The following MAP2K6 variants were observed in gnomAD, a reference collection of about 807,000 sequenced individuals.
MAP2K6 encodes the protein mitogen-activated protein kinase kinase 6, also known as dual specificity mitogen-activated protein kinase kinase 6.
Under a neutral mutation model 53.7 loss-of-function variants are expected in MAP2K6, and 16 were observed. That is an observed-to-expected ratio of 0.30 (90% CI 0.20 to 0.45). The LOEUF (loss-of-function observed/expected upper bound fraction) is 0.45, where lower values mean the gene tolerates loss of function less well. Ranked by LOEUF, MAP2K6 falls within the 20% of genes least tolerant of loss-of-function variation. MAP2K6 has a pLI of 1.00. For synonymous variants in MAP2K6, 132 were observed against 143.1 expected (o/e 0.92, Z 0.55); for missense variants, 204 against 411.9 (o/e 0.50, Z 4.37).
At chr17:69,534,960 T>C (rs1444099074) in intron 10 of MAP2K6, among the ~76,000 whole-genome samples, 1 of 152,062 alleles carries the variant, frequency 6.6e-6, no homozygotes, top group African/African-American at 2.4e-5. Context: ...GTTTCTTTTC[T>C]TTTCTTTCTT....
chr17:69,414,745 C>CT lies in MAP2K6; in HGVS notation c.-239dup. The CT allele has an allele frequency of 2.0e-6, 1 of 498,982 alleles. No homozygotes were observed. The highest frequency in any genetic ancestry group is 3.4e-5 in the East Asian group (1 of 29,398). 30.9% of individuals were successfully genotyped at this position (498,982 alleles called of 1,614,324 possible). A position where few individuals can be genotyped will look rare whatever the true frequency, so the allele number is the denominator to read the frequency against. ...CTGCCAGCCCTGGCCCATCATGTAGCTGCAGCACAGCCTTCCCTAACGTTG... is the reference window on the plus strand; with the variant it reads ...CTGCCAGCCCTGGCCCATCATGTAGCTTGCAGCACAGCCTTCCCTAACGTTG... On this transcript the variant is annotated 5_prime_UTR_variant, in exon 1 of 12. Transcript: ENST00000590474.
At chr17:69,525,692 G>A (rs905728617) in intron 9 of MAP2K6, among the ~76,000 whole-genome samples, 6 of 152,140 alleles carry the variant, frequency 3.9e-5, no homozygotes, top group Admixed American at 6.5e-5. Flanking sequence ...TCACTACCAT[G>A]AGAACCATAG....
intron 1 of MAP2K6, among the ~76,000 whole-genome samples, chr17:69,437,967 C>A (rs1906700590): frequency 6.6e-6 from 1 of 152,258 alleles, no homozygotes; most frequent in Non-Finnish European, 1.5e-5. Context: ...CCACATTCTT[C>A]TCTTTATATT....
At chr17:69,429,026 G>A (rs1182198642) in intron 1 of MAP2K6, among the ~76,000 whole-genome samples, 1 of 151,658 alleles carries the variant, frequency 6.6e-6, no homozygotes, top group Non-Finnish European at 1.5e-5. Context: ...AACACTCCCT[G>A]TGGTTGTCAC....
Position 69,543,719 on chromosome 17 carries a change from G to A in MAP2K6, c.*1966G>A, listed in dbSNP as rs749830555. 2 of 152,184 alleles carry A rather than the reference G, an allele frequency of 1.3e-5. No homozygotes were observed. Among genetic ancestry groups the A allele is most frequent in the Admixed American group, 6.5e-5 (1 of 15,282 alleles). The allele number at this position is 152,184 out of a possible 1,614,324, so 9.4% of individuals were successfully genotyped here. On this transcript the variant is annotated 3_prime_UTR_variant, in exon 12 of 12. Coordinates refer to ENST00000590474, the MANE Select transcript of MAP2K6 (RefSeq NM_002758.4). ...TCCATTTTAGCTTTTGGTGAACGAT[G>A]TAGAGCAAATTGTCTCTCTGGTCTA...
chr17:69,419,133 G>A (rs546091397), intron 1 of MAP2K6, among the ~76,000 whole-genome samples: 5 of 152,138 alleles, frequency 3.3e-5, no homozygotes, highest in African/African-American at 4.8e-5. Flanking sequence ...TTTAACAACC[G>A]TGAATTTTAA....
chr17:69,519,107 C>T (rs1202598080), intron 4 of MAP2K6, among the ~76,000 whole-genome samples: 1 of 152,216 alleles, frequency 6.6e-6, no homozygotes, highest in Non-Finnish European at 1.5e-5. Context: ...CAATTTGTTT[C>T]TTACCAGGAC....
chr17:69,500,624 C>T (rs1273341036), intron 1 of MAP2K6, among the ~76,000 whole-genome samples: 2 of 151,730 alleles, frequency 1.3e-5, no homozygotes, highest in African/African-American at 2.4e-5. Context: ...GGCGTGATGG[C>T]GGGCACCTGT....
chr17:69,519,953 T>C (rs1250219017), intron 5 of MAP2K6: 2 of 285,018 alleles, frequency 7.0e-6, no homozygotes, highest in African/African-American at 4.5e-5. Flanking sequence ...ACCTAACTCC[T>C]AGACAGTGGT....
At chr17:69,432,328 C>G (rs538800298) in intron 1 of MAP2K6, among the ~76,000 whole-genome samples, 1 of 152,308 alleles carries the variant, frequency 6.6e-6, no homozygotes, top group East Asian at 1.9e-4. Flanking sequence ...ATATAAATCA[C>G]TCTATTATGA....
intron 1 of MAP2K6, among the ~76,000 whole-genome samples, chr17:69,455,803 A>G (rs1266262006): frequency 6.6e-6 from 1 of 150,624 alleles, no homozygotes; most frequent in Admixed American, 6.6e-5. Context: ...TTATAGCATG[A>G]CCAACCCTGC....
chr17:69,529,343 G>T (rs1221611698), intron 10 of MAP2K6, among the ~76,000 whole-genome samples: 1 of 151,624 alleles, frequency 6.6e-6, no homozygotes, highest in Non-Finnish European at 1.5e-5. Flanking sequence ...TGTTTAGAAG[G>T]TTTATTTTCT....
At chr17:69,492,824 A>G (rs745841232) in intron 1 of MAP2K6, among the ~76,000 whole-genome samples, 1 of 152,218 alleles carries the variant, frequency 6.6e-6, no homozygotes, top group Non-Finnish European at 1.5e-5. Context: ...GCAAAAAATT[A>G]TCATGATAAC....
chr17:69,521,824 A>AAAC (rs1910497077), intron 7 of MAP2K6: 1 of 149,412 alleles, frequency 6.7e-6, no homozygotes, highest in South Asian at 2.1e-4. Context: ...AAAAAAAAAA[A>AAAC]AAAAAAAAAC....
intron 1 of MAP2K6, among the ~76,000 whole-genome samples, chr17:69,505,032 A>G (rs752044729): frequency 1.3e-5 from 2 of 152,032 alleles, no homozygotes; most frequent in Non-Finnish European, 2.9e-5. Context: ...GATTTAGAAA[A>G]TAGTGGGTTA....
At chr17:69,522,996 G>C (rs1910560260) in intron 7 of MAP2K6, among the ~76,000 whole-genome samples, 1 of 152,136 alleles carries the variant, frequency 6.6e-6, no homozygotes, top group African/African-American at 2.4e-5. Flanking sequence ...AGGAGTTTGA[G>C]GCTGCAGTGA....
intron 2 of MAP2K6, among the ~76,000 whole-genome samples, chr17:69,510,081 G>A (rs1324682715): frequency 6.6e-6 from 1 of 152,160 alleles, no homozygotes; most frequent in East Asian, 1.9e-4. Flanking sequence ...ATGGGCTCAA[G>A]CAATTTGCCT....
At chr17:69,453,144 A>T (rs531765108) in intron 1 of MAP2K6, among the ~76,000 whole-genome samples, 217 of 152,348 alleles carry the variant, frequency 1.4e-3, no homozygotes, top group African/African-American at 5.1e-3. Flanking sequence ...GATTTCTGGG[A>T]TAGGCACTAG....
At chr17:69,454,280 A>G (rs930916321) in intron 1 of MAP2K6, among the ~76,000 whole-genome samples, 1 of 152,208 alleles carries the variant, frequency 6.6e-6, no homozygotes, top group Non-Finnish European at 1.5e-5. Flanking sequence ...CATTACTCCT[A>G]GAAGCCAGTC....
Sources: gnomAD v4.1 joint callset for allele counts (sites outside exome capture counted in the v4.1 genomes callset) on GRCh38, gnomAD v4.1.1 for gene constraint, MANE v1.5 for transcripts, NCBI Gene and HGNC (gene_info 2026-07-23, HGNC 2026-07-21) for gene names.